Variants in SUPT3H observed in about 807,000 individuals in gnomAD.
SUPT3H encodes transcription initiation protein SPT3 homolog.
SUPT3H carries 44 observed loss-of-function variants against 44.3 expected under a neutral mutation model. That is an observed-to-expected ratio of 0.99 (90% CI 0.78 to 1.28). The LOEUF is 1.28. Among genes scored for constraint, SUPT3H ranks in the 50% most tolerant of loss-of-function variants. SUPT3H has a pLI of 0.00. For missense variants in SUPT3H, 380 were observed against 387.1 expected (o/e 0.98, Z 0.15); for synonymous variants, 124 against 125.6 (o/e 0.99, Z 0.09).
At chr6:44,982,227 C>T (rs968832838) in intron 6 of SUPT3H, among the ~76,000 whole-genome samples, 1 of 151,744 alleles carries the variant, frequency 6.6e-6, no homozygotes, top group Non-Finnish European at 1.5e-5. Context: ...ACTCTGTCAC[C>T]CAGGCTTTTT....
chr6:45,362,012 C>T (rs1244960623), intron 2 of SUPT3H, among the ~76,000 whole-genome samples: 1 of 152,178 alleles, frequency 6.6e-6, no homozygotes, highest in Admixed American at 6.5e-5. Context: ...GATCAGGCAA[C>T]TGCACTCCAG....
chr6:45,088,235 T>C (rs953124307), intron 3 of SUPT3H, among the ~76,000 whole-genome samples: 3 of 152,066 alleles, frequency 2.0e-5, no homozygotes, highest in African/African-American at 7.2e-5. Context: ...TCTAAGAATA[T>C]TGGCAATAAA....
intron 3 of SUPT3H, among the ~76,000 whole-genome samples, chr6:45,076,785 C>A (rs1357187981): frequency 6.6e-6 from 1 of 152,148 alleles, no homozygotes; most frequent in Admixed American, 6.6e-5. Flanking sequence ...AACCTATTGT[C>A]AAGCCCTGGC....
chr6:45,187,140 T>A (rs1219825228), intron 2 of SUPT3H, among the ~76,000 whole-genome samples: 2 of 138,862 alleles, frequency 1.4e-5, no homozygotes, highest in African/African-American at 5.3e-5. Context: ...GATGGCCAGA[T>A]GCAGTGGCTC....
intron 2 of SUPT3H, among the ~76,000 whole-genome samples, chr6:45,354,010 A>G (rs906048073): frequency 6.6e-6 from 1 of 152,288 alleles, no homozygotes; most frequent in Admixed American, 6.5e-5. Flanking sequence ...TGTCAAAGAA[A>G]AGCTGAAAAC....
chr6:45,327,880 T>G (rs1289810282), intron 2 of SUPT3H, among the ~76,000 whole-genome samples: 1 of 151,980 alleles, frequency 6.6e-6, no homozygotes, highest in Non-Finnish European at 1.5e-5. Context: ...ATATCATCAC[T>G]GTTGTTCAGA....
intron 3 of SUPT3H, among the ~76,000 whole-genome samples, chr6:45,043,071 T>C (rs746879907): frequency 6.6e-6 from 1 of 151,964 alleles, no homozygotes; most frequent in Non-Finnish European, 1.5e-5. Context: ...ATCTTTTCTG[T>C]TTCATTGGTT....
rs113451457 is a variant in SUPT3H at position 45,231,497 on chromosome 6, C to T, written c.102-125491G>A. Among the ~76,000 whole-genome samples the T allele has an allele frequency of 6.8e-4, 103 of 152,246 alleles. 1 individual carries two copies. The highest frequency in any genetic ancestry group is 6.0e-3 in the East Asian group (31 of 5,188). On this transcript the variant is annotated intron_variant, in intron 2 of 10. Coordinates refer to ENST00000371459, the MANE Select transcript of SUPT3H (RefSeq NM_003599.4). Reference sequence around the variant, plus strand: ...TGGGGCTCTTTTATAGGTGACTAAACGCTTTTCTCTTACAATTTTTAGGAT... The same window carrying T: ...TGGGGCTCTTTTATAGGTGACTAAATGCTTTTCTCTTACAATTTTTAGGAT...
At chr6:45,180,802 G>C (rs1310437782) in intron 2 of SUPT3H, among the ~76,000 whole-genome samples, 1 of 151,862 alleles carries the variant, frequency 6.6e-6, no homozygotes, top group African/African-American at 2.4e-5. Flanking sequence ...CAGGACATAG[G>C]CATGGGCAAG....
chr6:45,211,980 A>G (rs1003231036), intron 2 of SUPT3H, among the ~76,000 whole-genome samples: 1 of 152,122 alleles, frequency 6.6e-6, no homozygotes, highest in African/African-American at 2.4e-5. Context: ...CCTGACCAAG[A>G]TAGCAAAACC....
intron 3 of SUPT3H, among the ~76,000 whole-genome samples, chr6:45,067,979 C>T (rs1360563068): frequency 5.2e-5 from 7 of 135,160 alleles, no homozygotes; most frequent in Non-Finnish European, 1.1e-4. Context: ...ACCCAAAGGA[C>T]TATAAATCAT....
intron 10 of SUPT3H, among the ~76,000 whole-genome samples, chr6:44,909,142 C>CGTGTGTGTGTGTGT: frequency 6.8e-6 from 1 of 147,052 alleles, no homozygotes; most frequent in East Asian, 2.0e-4. Context: ...TGTGTGTGTG[C>CGTGTGTGTGTGTGT]GTGTGTGTGT....
chr6:45,247,606 G>A (rs1771595098), intron 2 of SUPT3H, among the ~76,000 whole-genome samples: 1 of 151,622 alleles, frequency 6.6e-6, no homozygotes, highest in African/African-American at 2.4e-5. Flanking sequence ...GAAGAAGTGT[G>A]TTCTTTGTGC....
Position 45,020,616 on chromosome 6 carries a change from T to C in SUPT3H, c.203A>G (p.Glu68Gly), listed in dbSNP as rs1179696666. Residue 68 changes from glutamate (E) to glycine (G), a missense_variant, in exon 4 of 11, where the codon GAA (glutamate) becomes GGA (glycine). By Grantham distance (98) the Glu-to-Gly change is moderately conservative. Coordinates refer to ENST00000371459, the MANE Select transcript of SUPT3H (RefSeq NM_003599.4). ...CCTTGCTCCCCGCAGCTGAGAAACT[T>C]CAGCAGCTTGCTGTAACTAACAATA... Reference protein sequence around the residue: ...QLINLLQQAAEVSQLRGARVI... With the variant: ...QLINLLQQAAGVSQLRGARVI... The C allele has an allele frequency of 6.2e-7, 1 of 1,610,506 alleles. No homozygotes were observed. The highest frequency in any genetic ancestry group is 1.3e-5 in the African/African-American group (1 of 74,796).
At chr6:45,294,519 C>T (rs1780805043) in intron 2 of SUPT3H, among the ~76,000 whole-genome samples, 1 of 151,890 alleles carries the variant, frequency 6.6e-6, no homozygotes, top group Non-Finnish European at 1.5e-5. Context: ...GCATCCACAT[C>T]AGTAAAGAGG....
At chr6:45,329,571 C>T (rs1421603346) in intron 2 of SUPT3H, among the ~76,000 whole-genome samples, 1 of 151,886 alleles carries the variant, frequency 6.6e-6, no homozygotes, top group Non-Finnish European at 1.5e-5. Context: ...AACACTGAAA[C>T]GTCTAAGATT....
chr6:44,937,419 G>A (rs1308394951), intron 9 of SUPT3H, among the ~76,000 whole-genome samples: 4 of 151,886 alleles, frequency 2.6e-5, no homozygotes, highest in Admixed American at 6.6e-5. Context: ...GCTTGAACCC[G>A]GGAGGTGGAG....
chr6:45,277,041 A>T (rs1777141689), intron 2 of SUPT3H, among the ~76,000 whole-genome samples: 1 of 152,192 alleles, frequency 6.6e-6, no homozygotes, highest in Non-Finnish European at 1.5e-5. Flanking sequence ...TCCAATGTAA[A>T]CTCAATATAT....
chr6:45,166,456 G>A lies in SUPT3H; in HGVS notation c.102-60450C>T, dbSNP rs540208106. On this transcript the variant is annotated intron_variant, in intron 2 of 10. Coordinates refer to ENST00000371459, the MANE Select transcript of SUPT3H (RefSeq NM_003599.4). ...TACAAAAAATTAGGCATAGTGGCAG[G>A]TGGCTATAGTCCCAGCTACTCGGGA... Among the ~76,000 whole-genome samples, 8 of 151,906 alleles carry A rather than the reference G, an allele frequency of 5.3e-5. No homozygotes were observed. The East Asian group carries it at 1.6e-3, about 29-fold the overall frequency.
Sources: allele counts gnomAD v4.1 joint callset (sites outside exome capture counted in the v4.1 genomes callset), GRCh38; gene constraint gnomAD v4.1.1; transcripts MANE v1.5; gene names NCBI Gene and HGNC (gene_info 2026-07-23, HGNC 2026-07-21).